C8orf89: variants seen among roughly 807,000 people sequenced by gnomAD.
C8orf89 encodes the protein putative uncharacterized protein C8orf89.
Under a neutral mutation model 15.8 loss-of-function variants are expected in C8orf89, and 14 were observed. The ratio of observed to expected loss-of-function variants is 0.89; its 90% CI spans 0.59 to 1.39. C8orf89 has a LOEUF of 1.39. C8orf89 is among the 40% of genes most tolerant of loss of function. The pLI, the probability that C8orf89 is intolerant of heterozygous loss-of-function variation, is 0.00. For missense variants in C8orf89, 181 were observed against 184.5 expected (o/e 0.98, Z 0.11); for synonymous variants, 55 against 62.2 (o/e 0.88, Z 0.54).
chr8:73,248,061 T>C (rs1465207453), intron 3 of C8orf89, among the ~76,000 whole-genome samples: 1 of 152,226 alleles, frequency 6.6e-6, no homozygotes, highest in African/African-American at 2.4e-5. Context: ...TCCAATGTTT[T>C]TATAGTTTTG....
At chr8:73,266,589 A>G in the C8orf89 span, among the ~76,000 whole-genome samples, 4 of 152,326 alleles carry the variant, frequency 2.6e-5, no homozygotes, top group Non-Finnish European at 5.9e-5. Context: ...GTGAATGTTT[A>G]TATGGTGCTG....
chr8:73,272,562 G>A, the C8orf89 span, among the ~76,000 whole-genome samples: 85 of 151,896 alleles, frequency 5.6e-4, no homozygotes, highest in Admixed American at 2.4e-3. Flanking sequence ...CCATTAACTC[G>A]TCATTTACAT....
chr8:73,241,560 A>G lies in C8orf89; in HGVS notation c.383T>C (p.Leu128Ser). ...TATGGCTATTTTGGAAAGTCTCTCT[A>G]AGTATTGAGATGGTGCTCCAGTGAG... The part of the protein sequence containing the change: ...DPLTGAPSQY[L>S]ERLSKIAILE... Residue 128 changes from leucine (L) to serine (S), a missense_variant, in exon 4 of 4, where the codon TTA becomes TCA. By Grantham distance (145) the Leu-to-Ser change is moderately radical. Transcript: ENST00000624510. 1 of 1,532,986 alleles carries G rather than the reference A, an allele frequency of 6.5e-7. No homozygotes were observed. Among genetic ancestry groups the G allele is most frequent in the Non-Finnish European group, 8.7e-7 (1 of 1,145,018 alleles). 95.0% of individuals were successfully genotyped at this position (1,532,986 alleles called of 1,614,324 possible).
At chr8:73,278,092 G>A in the C8orf89 span, 239 of 377,704 alleles carry the variant, frequency 6.3e-4, 1 homozygote, top group African/African-American at 4.7e-3. Flanking sequence ...TGGGGTGTGT[G>A]TCTGCCTGGT....
At chr8:73,251,898 A>G (rs1813258788) in intron 2 of C8orf89, among the ~76,000 whole-genome samples, 1 of 152,134 alleles carries the variant, frequency 6.6e-6, no homozygotes, top group South Asian at 2.1e-4. Context: ...GGGCACTGTG[A>G]CCCTTGATGA....
the C8orf89 span, among the ~76,000 whole-genome samples, chr8:73,272,828 T>A: frequency 1.6e-3 from 242 of 152,346 alleles, no homozygotes; most frequent in African/African-American, 5.5e-3. Flanking sequence ...AGTGTAAATA[T>A]TGAGCCTACC....
chr8:73,252,129 T>C (rs1268814423), intron 2 of C8orf89, among the ~76,000 whole-genome samples: 2 of 152,256 alleles, frequency 1.3e-5, no homozygotes, highest in African/African-American at 4.8e-5. Flanking sequence ...AGAACAGTTT[T>C]GCGTTTTATA....
chr8:73,272,554 A>G, the C8orf89 span, among the ~76,000 whole-genome samples: 1 of 152,024 alleles, frequency 6.6e-6, no homozygotes, highest in East Asian at 1.9e-4. Flanking sequence ...TGCTGCACCC[A>G]TTAACTCGTC....
At chr8:73,262,877 T>C (rs1309927479), upstream of C8orf89, among the ~76,000 whole-genome samples, 2 of 151,834 alleles carry the variant, frequency 1.3e-5, no homozygotes, top group Non-Finnish European at 2.9e-5. Flanking sequence ...AATATATAAC[T>C]TAAGGAATAT....
At chr8:73,243,976 C>T (rs1813066513) in intron 3 of C8orf89, among the ~76,000 whole-genome samples, 1 of 151,590 alleles carries the variant, frequency 6.6e-6, no homozygotes, top group African/African-American at 2.4e-5. Context: ...CCAACTTAAT[C>T]TGATTTTGTA....
chr8:73,247,074 G>C (rs904237389), intron 3 of C8orf89, among the ~76,000 whole-genome samples: 4 of 152,208 alleles, frequency 2.6e-5, no homozygotes, highest in Admixed American at 2.6e-4. Flanking sequence ...AGGGGTACAT[G>C]TGTAGGTTTG....
the C8orf89 span, among the ~76,000 whole-genome samples, chr8:73,282,155 A>G: frequency 4.6e-5 from 7 of 151,302 alleles, no homozygotes; most frequent in African/African-American, 1.7e-4. Flanking sequence ...AAATATATTC[A>G]TTAAGCATGT....
intron 3 of C8orf89, among the ~76,000 whole-genome samples, chr8:73,242,270 A>G (rs2130239301): frequency 6.6e-6 from 1 of 152,344 alleles, no homozygotes; most frequent in South Asian, 2.1e-4. Context: ...AACAACCAGA[A>G]TATATAAGGA....
chr8:73,275,562 A>C, the C8orf89 span, among the ~76,000 whole-genome samples: 2 of 152,110 alleles, frequency 1.3e-5, no homozygotes, highest in African/African-American at 2.4e-5. Context: ...AATTTTTGCT[A>C]ATCTTTGGAT....
In C8orf89 at chr8:73,241,361, C is replaced by T; in HGVS notation, c.*96G>A. The T allele has an allele frequency of 1.0e-6, 1 of 1,003,306 alleles. No homozygotes were observed. Among genetic ancestry groups the T allele is most frequent in the Middle Eastern group, 2.3e-4 (1 of 4,280 alleles). The allele number at this position is 1,003,306 out of a possible 1,614,324, so 62.2% of individuals were successfully genotyped here. A position where few individuals can be genotyped will look rare whatever the true frequency, so the allele number is the denominator to read the frequency against. On this transcript the variant is annotated 3_prime_UTR_variant, in exon 4 of 4. Coordinates refer to ENST00000624510, the MANE Select transcript of C8orf89 (RefSeq NM_001243237.3). ...TAAAATATTTATTTATTTACATTTC[C>T]ATTTTTATATAAATCATTTTGCATC... is the stretch of plus-strand genomic sequence containing the variant.
chr8:73,283,358 G>A, the C8orf89 span, among the ~76,000 whole-genome samples: 1 of 152,202 alleles, frequency 6.6e-6, no homozygotes, highest in African/African-American at 2.4e-5. Flanking sequence ...TGACTGAGCA[G>A]GGATTCAGAC....
chr8:73,247,367 T>C (rs560077120), intron 3 of C8orf89, among the ~76,000 whole-genome samples: 2 of 152,338 alleles, frequency 1.3e-5, no homozygotes, highest in East Asian at 3.9e-4. Flanking sequence ...GTTGAGTCCA[T>C]GTCTTTGCTA....
the C8orf89 span, among the ~76,000 whole-genome samples, chr8:73,267,472 G>C: frequency 6.6e-6 from 1 of 152,138 alleles, no homozygotes; most frequent in Non-Finnish European, 1.5e-5. Flanking sequence ...ATCTTTGGAG[G>C]ATACTAAAGG....
chr8:73,270,508 C>A, the C8orf89 span, among the ~76,000 whole-genome samples: 1 of 152,068 alleles, frequency 6.6e-6, no homozygotes, highest in South Asian at 2.1e-4. Context: ...CAAAACAAAA[C>A]AAAACAAAAA....
Sources: gnomAD v4.1 joint callset for allele counts (sites outside exome capture counted in the v4.1 genomes callset) on GRCh38, gnomAD v4.1.1 for gene constraint, MANE v1.5 for transcripts, NCBI Gene and HGNC (gene_info 2026-07-23, HGNC 2026-07-21) for gene names.